Variants in DOCK5 observed in about 807,000 individuals in gnomAD.
The protein encoded by DOCK5 is dedicator of cytokinesis protein 5.
In DOCK5, 142 loss-of-function variants were observed where a neutral mutation model predicts 251.8. The observed-to-expected ratio is 0.56, with a 90% confidence interval of 0.49 to 0.65. The LOEUF (loss-of-function observed/expected upper bound fraction) is 0.65. Among genes scored for constraint, DOCK5 ranks in the 30% least tolerant of loss-of-function variants. The pLI is 0.00. For synonymous variants in DOCK5, 842 were observed against 835.5 expected (o/e 1.01, Z -0.13); for missense variants, 2,111 against 2,312.3 (o/e 0.91, Z 1.79).
intron 1 of DOCK5, among the ~76,000 whole-genome samples, chr8:25,235,403 G>A (rs999591379): frequency 5.3e-5 from 8 of 152,084 alleles, no homozygotes; most frequent in African/African-American, 1.2e-4. Flanking sequence ...TAGGACCATA[G>A]GCACACACCA....
At chr8:25,293,197 T>C (rs1260091218) in intron 6 of DOCK5, among the ~76,000 whole-genome samples, 1 of 152,190 alleles carries the variant, frequency 6.6e-6, no homozygotes, top group Non-Finnish European at 1.5e-5. Flanking sequence ...ATTTTCTAAA[T>C]TTCTTCAACT....
rs190094316 is a variant in DOCK5 at position 25,301,850 on chromosome 8, G to A, written c.847-475G>A. ...CAGGTGAATAGTCCCATAAAGCAGT[G>A]CCTGTCTCATAGTTGCCTCATGGGC... On this transcript the variant is annotated intron_variant, in intron 9 of 51. Coordinates refer to ENST00000276440, the MANE Select transcript of DOCK5 (RefSeq NM_024940.8). Among the ~76,000 whole-genome samples, 98 of 152,322 alleles carry A rather than the reference G, an allele frequency of 6.4e-4. 1 individual carries two copies. The highest frequency in any genetic ancestry group is 1.3e-3 in the Admixed American group (20 of 15,304).
chr8:25,284,822 A>G (rs1295501124), intron 5 of DOCK5, among the ~76,000 whole-genome samples: 3 of 152,250 alleles, frequency 2.0e-5, no homozygotes, highest in Non-Finnish European at 4.4e-5. Context: ...TTTCAACTAA[A>G]AATCTGGTCT....
chr8:25,226,014 A>G (rs144167932), intron 1 of DOCK5, among the ~76,000 whole-genome samples: 1 of 152,296 alleles, frequency 6.6e-6, no homozygotes, highest in African/African-American at 2.4e-5. Flanking sequence ...TGTACAATTG[A>G]AAATGCTTTA....
chr8:25,404,164 C>A (rs1418952357), intron 48 of DOCK5, among the ~76,000 whole-genome samples: 1 of 152,144 alleles, frequency 6.6e-6, no homozygotes, highest in Non-Finnish European at 1.5e-5. Context: ...TTCTTGGTAG[C>A]CCCATGGCAG....
At chr8:25,254,004 A>C (rs1413659361) in intron 2 of DOCK5, among the ~76,000 whole-genome samples, 2 of 152,264 alleles carry the variant, frequency 1.3e-5, no homozygotes, top group African/African-American at 4.8e-5. Context: ...ATAAAGCTAT[A>C]GTAATCAAGA....
chr8:25,324,813 C>A (rs7838521), intron 17 of DOCK5, among the ~76,000 whole-genome samples: 2 of 143,830 alleles, frequency 1.4e-5, no homozygotes, highest in Non-Finnish European at 3.0e-5. Context: ...CCCGCCACAA[C>A]AGGCCCTGGT....
chr8:25,189,149 T>A (rs1312736754), intron 1 of DOCK5, among the ~76,000 whole-genome samples: 2 of 151,094 alleles, frequency 1.3e-5, no homozygotes, highest in East Asian at 3.9e-4. Flanking sequence ...GCCTTCCAAG[T>A]TGCTGGAACT....
At chr8:25,389,276 G>A (rs1241433887) in intron 41 of DOCK5, 44 bp downstream of exon 41, 47 of 1,597,818 alleles carry the variant, frequency 2.9e-5, no homozygotes, top group Non-Finnish European at 4.0e-5. Flanking sequence ...TCTTATGGCT[G>A]TGCACAGCCC....
chr8:25,344,007 C>A (rs1333298720), intron 25 of DOCK5, among the ~76,000 whole-genome samples: 2 of 152,136 alleles, frequency 1.3e-5, no homozygotes, highest in East Asian at 3.9e-4. Flanking sequence ...CAGGGTTTCA[C>A]CATGTTGGCC....
At chr8:25,374,483 C>A (rs1228258512) in intron 36 of DOCK5, 81 bp from the exon 37 acceptor site, 1 of 1,333,718 alleles carries the variant, frequency 7.5e-7, no homozygotes, top group Non-Finnish European at 1.0e-6. Flanking sequence ...GGCAATACAG[C>A]AAGACCCTGT....
In DOCK5 at chr8:25,374,865, A is replaced by G. The variant is rs1266890192; in HGVS notation, c.3816+211A>G. On this transcript the variant is annotated intron_variant, in intron 37 of 51. Transcript: ENST00000276440. ...TATCTTTTATTTAAAAATCCTTAGA[A>G]AGCAGAGCACGACTTATGAACCTTT... The G allele has an allele frequency of 6.5e-6, 9 of 1,392,352 alleles. No individual in the cohort carries two copies. In the East Asian group the frequency reaches 2.3e-4, roughly 36 times the overall value. The allele number at this position is 1,392,352 out of a possible 1,614,324, so 86.2% of individuals were successfully genotyped here. A position where few individuals can be genotyped will look rare whatever the true frequency, so the allele number is the denominator to read the frequency against.
At chr8:25,192,692 C>T (rs1401527954) in intron 1 of DOCK5, among the ~76,000 whole-genome samples, 2 of 151,976 alleles carry the variant, frequency 1.3e-5, no homozygotes, top group Admixed American at 6.6e-5. Flanking sequence ...TTGTTGTTTT[C>T]GTAGACACAG....
intron 1 of DOCK5, among the ~76,000 whole-genome samples, chr8:25,216,135 T>A (rs1204506305): frequency 6.6e-6 from 1 of 151,404 alleles, no homozygotes; most frequent in African/African-American, 2.4e-5. Context: ...ATACAATATG[T>A]CTATACGTGT....
At chr8:25,368,403 T>A (rs1256877112) in intron 32 of DOCK5, among the ~76,000 whole-genome samples, 153 bp downstream of exon 32, 1 of 152,224 alleles carries the variant, frequency 6.6e-6, no homozygotes, top group African/African-American at 2.4e-5. Context: ...TCATTGACAA[T>A]GAACTGTCTC....
At chr8:25,401,486 A>T (rs959687308) in intron 47 of DOCK5, among the ~76,000 whole-genome samples, 1 of 152,188 alleles carries the variant, frequency 6.6e-6, no homozygotes, top group African/African-American at 2.4e-5. Context: ...TAATCCCAGC[A>T]CTTTGGGAGG....
intron 6 of DOCK5, 85 bp from the exon 7 acceptor site, chr8:25,296,428 A>G: frequency 6.6e-7 from 1 of 1,504,776 alleles, no homozygotes; most frequent in Non-Finnish European, 8.9e-7. Context: ...CTAACTATGG[A>G]TCCTCTGGGC....
intron 21 of DOCK5, among the ~76,000 whole-genome samples, chr8:25,334,801 C>T (rs1482326645): frequency 6.6e-6 from 1 of 151,374 alleles, no homozygotes; most frequent in Non-Finnish European, 1.5e-5. Context: ...TGGCGTGGGA[C>T]ATCAAGGAGA....
intron 25 of DOCK5, 81 bp from the exon 26 acceptor site, chr8:25,345,394 C>A: frequency 6.4e-7 from 1 of 1,568,538 alleles, no homozygotes; most frequent in South Asian, 1.2e-5. Flanking sequence ...TGGTACTGGT[C>A]GAGGAAGAGT....
Sources: allele counts gnomAD v4.1 joint callset (sites outside exome capture counted in the v4.1 genomes callset), GRCh38; gene constraint gnomAD v4.1.1; transcripts MANE v1.5; gene names NCBI Gene and HGNC (gene_info 2026-07-23, HGNC 2026-07-21).